MICAL2: variants seen among roughly 807,000 people sequenced by gnomAD.
MICAL2 encodes the protein [F-actin]-monooxygenase MICAL2.
MICAL2 carries 77 observed loss-of-function variants against 127.3 expected under a neutral mutation model. That is an observed-to-expected ratio of 0.60 (90% CI 0.50 to 0.73). The LOEUF (loss-of-function observed/expected upper bound fraction) is 0.73, where lower values mean the gene tolerates loss of function less well. Among genes scored for constraint, MICAL2 ranks in the 30% least tolerant of loss-of-function variants. MICAL2 has a pLI of 0.00. For synonymous variants in MICAL2, 570 were observed against 551.1 expected, an observed-to-expected ratio of 1.03 and a Z score of -0.48; for missense variants, 1,351 against 1,434.4, an observed-to-expected ratio of 0.94 and a Z score of 0.94.
chr11:12,278,687 C>T (rs557377779), intron 1 of MICAL2, among the ~76,000 whole-genome samples: 25 of 152,202 alleles, frequency 1.6e-4, no homozygotes, highest in African/African-American at 4.8e-4. Context: ...GCCTGCAGCT[C>T]GGGGTCAGGA....
rs116934192 is a variant in MICAL2 at position 12,329,732 on chromosome 11, A to G, written c.5515+2466A>G. 7.9e-4 allele frequency among the ~76,000 whole-genome samples: 121 copies of G among 152,314 alleles called. 3 individuals are homozygous for G. The East Asian group carries it at 0.021, about 27-fold the overall frequency. On this transcript the variant is annotated intron_variant, in intron 32 of 34. Coordinates refer to the MICAL2 transcript ENST00000646065. ...TAGTAAACACTACTCATATCATTTT[A>G]CAAAATATTACTAAGTATCCACACA... is the stretch of plus-strand genomic sequence containing the variant.
At chr11:12,339,030 G>A (rs958501033) in intron 32 of MICAL2, among the ~76,000 whole-genome samples, 1 of 152,148 alleles carries the variant, frequency 6.6e-6, no homozygotes, top group Admixed American at 6.5e-5. Flanking sequence ...AGTTCTCCTG[G>A]ATAATATCCT....
intron 2 of MICAL2, among the ~76,000 whole-genome samples, chr11:12,145,327 G>A (rs529325427): frequency 2.6e-5 from 4 of 152,240 alleles, no homozygotes; most frequent in South Asian, 4.2e-4. Flanking sequence ...GAAGTTACCC[G>A]ATAAAGGCAT....
intron 20 of MICAL2, chr11:12,243,022 G>A (rs982981648): frequency 1.4e-5 from 5 of 353,780 alleles, no homozygotes; most frequent in African/African-American, 1.1e-4. Context: ...GATCGAGAAA[G>A]GCATTACTAT....
At chr11:12,302,364 T>C (rs1050696771) in intron 29 of MICAL2, among the ~76,000 whole-genome samples, 1 of 152,200 alleles carries the variant, frequency 6.6e-6, no homozygotes, top group Admixed American at 6.6e-5. Flanking sequence ...GTTGTACCAA[T>C]GTATATACTC....
At chr11:12,247,142 C>G (rs1219103575) in intron 21 of MICAL2, among the ~76,000 whole-genome samples, 1 of 152,222 alleles carries the variant, frequency 6.6e-6, no homozygotes, top group East Asian at 1.9e-4. Flanking sequence ...GGCCAGTGCT[C>G]TCCTGTGTCC....
At chr11:12,260,357 T>G in intron 26 of MICAL2, 1 of 1,377,410 alleles carries the variant, frequency 7.3e-7, no homozygotes, top group South Asian at 1.8e-5. Context: ...CTCACGGTGC[T>G]AGGGCCAGGG....
At chr11:12,145,832 T>A (rs1852842965) in intron 2 of MICAL2, among the ~76,000 whole-genome samples, 3 of 152,058 alleles carry the variant, frequency 2.0e-5, no homozygotes, top group Admixed American at 2.0e-4. Flanking sequence ...GACGGCCCAA[T>A]GAAAGGTGTG....
At chr11:12,169,133 T>C (rs1303939511) in intron 3 of MICAL2, among the ~76,000 whole-genome samples, 1 of 152,150 alleles carries the variant, frequency 6.6e-6, no homozygotes, top group African/African-American at 2.4e-5. Flanking sequence ...CCCATTTCTT[T>C]TGTGACCTTC....
At chr11:12,321,352 C>A (rs1864292954) in intron 30 of MICAL2, among the ~76,000 whole-genome samples, 1 of 152,166 alleles carries the variant, frequency 6.6e-6, no homozygotes, top group African/African-American at 2.4e-5. Context: ...CTATCCCATG[C>A]AGGTGTGTCC....
chr11:12,189,297 T>G (rs1171439258), intron 3 of MICAL2, among the ~76,000 whole-genome samples: 2 of 152,152 alleles, frequency 1.3e-5, no homozygotes, highest in Non-Finnish European at 2.9e-5. Flanking sequence ...CTTGATGTTT[T>G]TTTTGTTTTG....
rs550995172 is a variant in MICAL2, at chr11:12,335,411, C to T, written c.5515+8145C>T. On this transcript the variant is annotated intron_variant, in intron 32 of 34. Transcript: ENST00000646065. ...TCTCCCATTCTGTAGGTTGCCTGTT[C>T]ACTCTGTTGGTAGTTTCTTTTGCTG... is the stretch of plus-strand genomic sequence containing the variant. Among the ~76,000 whole-genome samples the T allele has an allele frequency of 5.9e-5, 9 of 151,970 alleles. No individual in the cohort carries two copies. The South Asian group carries it at 1.9e-3, about 32-fold the overall frequency.
At chr11:12,169,345 C>A (rs1416992184) in intron 3 of MICAL2, among the ~76,000 whole-genome samples, 2 of 151,928 alleles carry the variant, frequency 1.3e-5, no homozygotes, top group African/African-American at 4.8e-5. Flanking sequence ...TATGGTTTCT[C>A]ATTTTATGGC....
Position 12,221,722 on chromosome 11 carries a change from A to C in MICAL2, c.1285A>C (p.Asn429His). 6.2e-7 allele frequency: 1 copy of C among 1,613,774 alleles called. No homozygotes were observed. The highest frequency in any genetic ancestry group is 8.5e-7 in the Non-Finnish European group (1 of 1,179,842). Residue 429 changes from asparagine (N) to histidine (H), a missense_variant, in exon 10 of 28, where the codon AAC (asparagine) becomes CAC (histidine). Asn to His is a moderately conservative substitution (Grantham distance 68). Coordinates refer to ENST00000683283, the MANE Select transcript of MICAL2 (RefSeq NM_001282663.2). Reference sequence around the variant, plus strand: ...CACGGCATGGATGGTGAAGAGCTGGAACCAGGGCACCCCTCCCCTGGAGCT... The same window carrying C: ...CACGGCATGGATGGTGAAGAGCTGGCACCAGGGCACCCCTCCCCTGGAGCT... ...FDTAWMVKSW[N>H]QGTPPLELLA...
chr11:12,240,170 G>A (rs1429085992), intron 17 of MICAL2, among the ~76,000 whole-genome samples: 1 of 152,194 alleles, frequency 6.6e-6, no homozygotes, highest in Non-Finnish European at 1.5e-5. Flanking sequence ...ACCAGGGTCA[G>A]CCTGGCGGGG....
intron 1 of MICAL2, among the ~76,000 whole-genome samples, chr11:12,118,679 C>A (rs556739218): frequency 6.6e-6 from 1 of 152,324 alleles, no homozygotes; most frequent in African/African-American, 2.4e-5. Context: ...AAACAAAAAG[C>A]ACTAAGACAG....
At chr11:12,204,639 C>T (rs1854438298) in intron 4 of MICAL2, among the ~76,000 whole-genome samples, 182 bp downstream of exon 4, 1 of 152,156 alleles carries the variant, frequency 6.6e-6, no homozygotes, top group Non-Finnish European at 1.5e-5. Context: ...CTGGGTTATC[C>T]CCCAGTGGAC....
At chr11:12,226,507 G>T (rs1857469837) in intron 14 of MICAL2, 137 bp downstream of exon 14, 2 of 792,638 alleles carry the variant, frequency 2.5e-6, no homozygotes, top group Non-Finnish European at 4.0e-6. Flanking sequence ...GGCCAAACAG[G>T]GGTGACTCCA....
At chr11:12,307,265 T>C (rs984331471) in intron 29 of MICAL2, among the ~76,000 whole-genome samples, 1 of 152,208 alleles carries the variant, frequency 6.6e-6, no homozygotes, top group Non-Finnish European at 1.5e-5. Flanking sequence ...CTTTCAAATC[T>C]TTTGCCCATT....
Sources: allele counts gnomAD v4.1 joint callset (sites outside exome capture counted in the v4.1 genomes callset), GRCh38; gene constraint gnomAD v4.1.1; transcripts MANE v1.5; gene names NCBI Gene and HGNC (gene_info 2026-07-23, HGNC 2026-07-21).